The following GATB variants were observed in gnomAD, a reference collection of about 807,000 sequenced individuals.
The protein encoded by GATB is glutamyl-tRNA amidotransferase subunit B.
Under a neutral mutation model 62.3 loss-of-function variants are expected in GATB, and 39 were observed. The observed-to-expected ratio is 0.63, with a 90% confidence interval of 0.48 to 0.82. GATB has a LOEUF of 0.82. Among genes scored for constraint, GATB ranks in the 40% least tolerant of loss-of-function variants. The pLI is 0.00. For missense variants in GATB, 670 were observed against 684.0 expected (o/e 0.98, Z 0.23); for synonymous variants, 276 against 258.9 (o/e 1.07, Z -0.63).
chr4:151,689,783 C>T (rs1306661312), intron 9 of GATB, among the ~76,000 whole-genome samples: 1 of 152,134 alleles, frequency 6.6e-6, no homozygotes, highest in Non-Finnish European at 1.5e-5. Context: ...CCTTTAAATA[C>T]TGCAACTGCC....
At chr4:151,722,521 C>G (rs1560856833) in intron 2 of GATB, 1 of 356,006 alleles carries the variant, frequency 2.8e-6, no homozygotes, top group Non-Finnish European at 5.1e-6. Flanking sequence ...CCCACAACAC[C>G]TCTGCTGTAG....
At chr4:151,757,036 A>G (rs2127001679) in intron 2 of GATB, among the ~76,000 whole-genome samples, 1 of 152,348 alleles carries the variant, frequency 6.6e-6, no homozygotes, top group African/African-American at 2.4e-5. Context: ...TAGAGGTGTT[A>G]TGACAACTTG....
Position 151,730,259 on chromosome 4 carries a change from A to T in GATB, c.328-10721T>A, listed in dbSNP as rs898705214. ...GAATCTCATCCCCATCATCCACAGC[A>T]GCCGCAGCAAGACCCGCCCAAGGAG... On this transcript the variant is annotated intron_variant, in intron 2 of 12. Transcript: ENST00000263985. The surrounding 1 kb of genome is among the most constrained non-coding windows in gnomAD (Gnocchi z 4.1). Among the ~76,000 whole-genome samples, 13 of 152,190 alleles carry T rather than the reference A, an allele frequency of 8.5e-5. No homozygotes were observed. The highest frequency in any genetic ancestry group is 1.8e-4 in the Non-Finnish European group (12 of 68,026).
At position 151,732,224 on chromosome 4, in the gene GATB, C is replaced by A. The variant is rs1739281830; in HGVS notation, c.328-12686G>T. On this transcript the variant is annotated intron_variant, in intron 2 of 12. Coordinates refer to ENST00000263985, the MANE Select transcript of GATB (RefSeq NM_004564.3). ...CCACCACCCCATCAGGGAGGTGTAC[C>A]CAACAGCTCATTGAGAATGGGCCAT... 2.6e-5 allele frequency among the ~76,000 whole-genome samples: 4 copies of A among 152,292 alleles called. 1 individual carries two copies. The South Asian group carries it at 8.3e-4, about 32-fold the overall frequency.
At chr4:151,708,286 G>A (rs960660585) in intron 5 of GATB, among the ~76,000 whole-genome samples, 185 bp from the exon 6 acceptor site, 2 of 152,198 alleles carry the variant, frequency 1.3e-5, no homozygotes, top group Admixed American at 6.5e-5. Context: ...CCACTCGAGA[G>A]GGGTTACAGT....
chr4:151,705,421 T>C (rs1738696638), intron 6 of GATB, 152 bp from the exon 7 acceptor site: 1 of 605,386 alleles, frequency 1.7e-6, no homozygotes, highest in Admixed American at 2.9e-5. Context: ...CACACTATAT[T>C]TCCTTCTCAC....
In GATB at chr4:151,759,469, A is replaced by T. The variant is rs74592746; in HGVS notation, c.177-547T>A. On this transcript the variant is annotated intron_variant, in intron 1 of 12. Coordinates refer to ENST00000263985, the MANE Select transcript of GATB (RefSeq NM_004564.3). ...GCATGTATAATAACCAGAGAGACAC[A>T]GATACAATAAATCACCACTAAATGA... Among the ~76,000 whole-genome samples, 51 of 152,348 alleles carry T rather than the reference A, an allele frequency of 3.3e-4. No individual in the cohort carries two copies. In the East Asian group the frequency reaches 9.1e-3, roughly 27 times the overall value.
At chr4:151,692,298 A>G (rs1738381522) in intron 9 of GATB, among the ~76,000 whole-genome samples, 1 of 152,206 alleles carries the variant, frequency 6.6e-6, no homozygotes, top group African/African-American at 2.4e-5. Context: ...TTTGAGGAAG[A>G]AAAGGTCATG....
chr4:151,753,340 C>T (rs1389817731), intron 2 of GATB, among the ~76,000 whole-genome samples: 3 of 152,118 alleles, frequency 2.0e-5, no homozygotes, highest in Admixed American at 2.0e-4. Flanking sequence ...ATACTTGACG[C>T]CCCCACATCC....
At chr4:151,723,605 A>T (rs1739072627) in intron 2 of GATB, 1 of 152,172 alleles carries the variant, frequency 6.6e-6, no homozygotes, top group Non-Finnish European at 1.5e-5. Flanking sequence ...GAGGGCAAGC[A>T]TTGTGTTCTT....
At chr4:151,708,583 G>A (rs115234162) in intron 5 of GATB, among the ~76,000 whole-genome samples, 799 of 152,300 alleles carry the variant, frequency 5.2e-3, no homozygotes, top group Admixed American at 9.3e-3. Flanking sequence ...AGGAGATTTA[G>A]AGGAGAGTCC....
intron 2 of GATB, among the ~76,000 whole-genome samples, chr4:151,751,918 T>A (rs1429377593): frequency 1.3e-5 from 2 of 152,176 alleles, no homozygotes; most frequent in African/African-American, 4.8e-5. Flanking sequence ...GCCACCTTCC[T>A]CCTCTTCCAA....
chr4:151,702,227 C>G (rs76474630), intron 8 of GATB, among the ~76,000 whole-genome samples: 1 of 152,074 alleles, frequency 6.6e-6, no homozygotes. Context: ...ACTTTCCCCC[C>G]ATTTCAACAT....
chr4:151,672,911 AG>A lies in GATB; in HGVS notation c.1411-16del, dbSNP rs1737906078. 1 of 1,613,514 alleles carries A rather than the reference AG, an allele frequency of 6.2e-7. No homozygotes were observed. On this transcript the variant is annotated splice_polypyrimidine_tract_variant and intron_variant, in intron 11 of 12. Transcript: ENST00000263985. ...TCCTCAAACACCTATGGACCAGAGA[AG>A]GGAGAGGAAAGAGAAATGAGAAGTC...
chr4:151,705,138 C>A, intron 7 of GATB, 47 bp downstream of exon 7: 1 of 1,371,622 alleles, frequency 7.3e-7, no homozygotes, highest in South Asian at 1.2e-5. Context: ...CCAGCCCTCT[C>A]GCACCACCCC....
intron 8 of GATB, chr4:151,703,227 C>T (rs1738643292): frequency 6.6e-6 from 1 of 152,504 alleles, no homozygotes. Flanking sequence ...ATAATAGCTA[C>T]ATTTGCATCT....
intron 10 of GATB, among the ~76,000 whole-genome samples, chr4:151,682,486 G>A (rs1315571155): frequency 6.6e-6 from 1 of 152,188 alleles, no homozygotes; most frequent in Non-Finnish European, 1.5e-5. Context: ...CGTCTCCGCT[G>A]AAGAAGAAAC....
At chr4:151,706,858 T>C (rs928733093) in intron 6 of GATB, among the ~76,000 whole-genome samples, 1 of 152,204 alleles carries the variant, frequency 6.6e-6, no homozygotes. Context: ...GGGGTGCACT[T>C]CAAACTCCAT....
At chr4:151,672,483 T>G in intron 12 of GATB, 3 of 364,338 alleles carry the variant, frequency 8.2e-6, no homozygotes, top group Non-Finnish European at 1.0e-5. Flanking sequence ...ACAGCTTGGA[T>G]TTCGTGAGCT....
Sources: gnomAD v4.1 joint callset for allele counts (sites outside exome capture counted in the v4.1 genomes callset) on GRCh38, gnomAD v4.1.1 for gene constraint, Gnocchi (gnomAD v3.1) non-coding constraint, MANE v1.5 for transcripts, NCBI Gene and HGNC (gene_info 2026-07-23, HGNC 2026-07-21) for gene names.